SATL1: variants seen among roughly 807,000 people sequenced by gnomAD.
SATL1 encodes spermidine/spermine N(1)-acetyltransferase-like protein 1.
Under a neutral mutation model 51.8 loss-of-function variants are expected in SATL1, and 47 were observed. The ratio of observed to expected loss-of-function variants is 0.91; its 90% CI spans 0.72 to 1.16. The LOEUF (loss-of-function observed/expected upper bound fraction) is 1.16. Among genes scored for constraint, SATL1 ranks in the 50% most tolerant of loss-of-function variants. The pLI, the probability that SATL1 is intolerant of heterozygous loss-of-function variation, is 0.00. For synonymous variants in SATL1, 176 were observed against 182.4 expected (o/e 0.97, Z 0.28); for missense variants, 520 against 526.4 (o/e 0.99, Z 0.12).
intron 1 of SATL1, among the ~76,000 whole-genome samples, chrX:85,228,700 CT>C (rs1207667937): frequency 2.7e-5 from 3 of 111,678 alleles, no homozygotes; most frequent in Admixed American, 1.9e-4. Flanking sequence ...CTGGTCACTT[CT>C]TTAGGCTTCC....
chrX:85,200,095 C>T (rs1927658852), intron 2 of SATL1, among the ~76,000 whole-genome samples: 1 of 111,360 alleles, frequency 9.0e-6, no homozygotes. Context: ...TATGTACCTA[C>T]AGAAATTAAA....
At chrX:85,152,363 T>C (rs1363300792) in intron 2 of SATL1, among the ~76,000 whole-genome samples, 1 of 111,667 alleles carries the variant, frequency 9.0e-6, no homozygotes, top group South Asian at 3.8e-4. Context: ...TTTTACACTG[T>C]TGGTGGGATT....
At chrX:85,238,076 T>G (rs67728831) in intron 1 of SATL1, among the ~76,000 whole-genome samples, 14,361 of 110,812 alleles carry the variant, frequency 0.13, 711 homozygotes, top group South Asian at 0.17. Flanking sequence ...CTGGTGAGTA[T>G]GTGGAGGAAA....
At chrX:85,098,721 G>A (rs180837185) in intron 4 of SATL1, among the ~76,000 whole-genome samples, 17 of 111,533 alleles carry the variant, frequency 1.5e-4, no homozygotes, top group African/African-American at 4.5e-4. Context: ...GGTCAAAGAG[G>A]AAAGTATAAG....
rs1330821934 is a variant in SATL1 at position 85,197,113 on chromosome X, G to A, written c.-313+27092C>T. On this transcript the variant is annotated intron_variant, in intron 2 of 7. Coordinates refer to ENST00000644105, the MANE Select transcript of SATL1 (RefSeq NM_001367857.2). ...ATGTCTGCTAAAGGACTTGTATCGA[G>A]AATATATTGAAGAGCTCCTACAACT... Among the ~76,000 whole-genome samples the A allele has an allele frequency of 2.7e-5, 3 of 112,074 alleles. No homozygotes were observed. In the Admixed American group the frequency reaches 2.9e-4, roughly 11 times the overall value.
At chrX:85,229,441 A>G (rs1174547377) in intron 1 of SATL1, among the ~76,000 whole-genome samples, 1 of 111,847 alleles carries the variant, frequency 8.9e-6, no homozygotes, top group African/African-American at 3.2e-5. Context: ...ACCAAATTCA[A>G]TAGCATATTA....
chrX:85,181,202 T>C (rs761226579), intron 2 of SATL1, among the ~76,000 whole-genome samples: 7 of 67,927 alleles, frequency 1.0e-4, no homozygotes, highest in East Asian at 7.9e-4. Flanking sequence ...TATATATATA[T>C]ACACATATAT....
At chrX:85,096,873 A>G (rs1422022006) in intron 4 of SATL1, among the ~76,000 whole-genome samples, 1 of 72,405 alleles carries the variant, frequency 1.4e-5, no homozygotes, top group African/African-American at 4.4e-5. Context: ...AAAAAAAAAA[A>G]AGAAAGAAAC....
intron 2 of SATL1, chrX:85,210,590 C>T (rs1927898098): frequency 2.7e-5 from 3 of 109,915 alleles, no homozygotes; most frequent in Non-Finnish European, 1.9e-5. Context: ...CTCTTTCTTG[C>T]CTGATAAGAG....
chrX:85,215,116 T>C (rs769006170), intron 2 of SATL1, among the ~76,000 whole-genome samples: 1 of 111,861 alleles, frequency 8.9e-6, no homozygotes, highest in Admixed American at 9.5e-5. Flanking sequence ...TAACACCATA[T>C]GCATGCCACC....
At chrX:85,140,889 A>T (rs1208552338) in intron 2 of SATL1, among the ~76,000 whole-genome samples, 2 of 112,144 alleles carry the variant, frequency 1.8e-5, no homozygotes, top group East Asian at 5.6e-4. Context: ...ACCCAACTAA[A>T]CATATTTTAA....
At chrX:85,133,169 G>C (rs1029421688) in intron 2 of SATL1, among the ~76,000 whole-genome samples, 7 of 112,028 alleles carry the variant, frequency 6.2e-5, no homozygotes, top group African/African-American at 1.9e-4. Flanking sequence ...ACCATGCTGG[G>C]AGAACCACTA....
intron 2 of SATL1, among the ~76,000 whole-genome samples, chrX:85,186,860 C>T: frequency 9.0e-6 from 1 of 111,662 alleles, no homozygotes; most frequent in Non-Finnish European, 1.9e-5. Flanking sequence ...GATAGTTGTT[C>T]AATTTGGTGT....
chrX:85,174,224 C>G (rs775497221), intron 2 of SATL1, among the ~76,000 whole-genome samples: 86 of 110,053 alleles, frequency 7.8e-4, no homozygotes, highest in African/African-American at 2.8e-3. Flanking sequence ...AATAGTGCCG[C>G]AATAAACATA....
intron 2 of SATL1, among the ~76,000 whole-genome samples, chrX:85,188,033 A>G (rs1008037006): frequency 9.0e-6 from 1 of 111,615 alleles, no homozygotes; most frequent in African/African-American, 3.3e-5. Context: ...CTAATTGTTC[A>G]TCTAAAAATT....
At chrX:85,194,345 G>T (rs1474824002) in intron 2 of SATL1, among the ~76,000 whole-genome samples, 1 of 111,737 alleles carries the variant, frequency 8.9e-6, no homozygotes, top group Non-Finnish European at 1.9e-5. Flanking sequence ...AAATGTATGG[G>T]AGTGGAGGAA....
chrX:85,218,175 ATTACCTGGGTGACAAAATAATC>A (rs1928093074), intron 2 of SATL1, among the ~76,000 whole-genome samples: 1 of 110,200 alleles, frequency 9.1e-6, no homozygotes, highest in African/African-American at 3.3e-5. Flanking sequence ...TACTATGCTT[ATTACCTGGGTGACAAAATAATC>A]TGTACACCAA....
At chrX:85,153,115 G>T (rs968655239) in intron 2 of SATL1, among the ~76,000 whole-genome samples, 1 of 110,884 alleles carries the variant, frequency 9.0e-6, no homozygotes, top group Admixed American at 9.7e-5. Flanking sequence ...AAAAACACTA[G>T]AAGTTCATAT....
At chrX:85,164,841 C>T (rs1439130198) in intron 2 of SATL1, among the ~76,000 whole-genome samples, 1 of 109,064 alleles carries the variant, frequency 9.2e-6, no homozygotes, top group Non-Finnish European at 1.9e-5. Context: ...TCTCCTGCCT[C>T]AGCCTCCCGA....
Sources: gnomAD v4.1 joint callset for allele counts (sites outside exome capture counted in the v4.1 genomes callset) on GRCh38, gnomAD v4.1.1 for gene constraint, MANE v1.5 for transcripts, NCBI Gene and HGNC (gene_info 2026-07-23, HGNC 2026-07-21) for gene names.